The following RNF183 variants were observed in gnomAD, a reference collection of about 807,000 sequenced individuals.
RNF183 encodes the protein ring finger protein 183.
Under a neutral mutation model 9.0 loss-of-function variants are expected in RNF183, and 4 were observed. The observed-to-expected ratio is 0.44, with a 90% CI of 0.22 to 1.01. The LOEUF (loss-of-function observed/expected upper bound fraction) is 1.01. RNF183 is among the 50% of genes least tolerant of loss of function. RNF183 has a pLI of 0.25. For synonymous variants in RNF183, 102 were observed against 107.5 expected, an observed-to-expected ratio of 0.95 and a Z score of 0.32; for missense variants, 227 against 253.6, an observed-to-expected ratio of 0.89 and a Z score of 0.71.
rs913516141 is a variant in RNF183, at chr9:113,302,967, G to A, written c.-441+89C>T. 7 of 152,412 alleles carry A rather than the reference G, an allele frequency of 4.6e-5. 1 individual carries two copies. Among genetic ancestry groups the A allele is most frequent in the African/African-American group, 1.7e-4 (7 of 41,568 alleles). 9.4% of individuals were successfully genotyped at this position (152,412 alleles called of 1,614,324 possible). On this transcript the variant is annotated intron_variant, in intron 1 of 4. Coordinates refer to ENST00000489339, the MANE Select transcript of RNF183 (RefSeq NM_001371237.1). ...CAGTAGCCTGCCCTCCCAGGCCAGA[G>A]TTCACCTGTCGCGCGCTGCACGGCT...
intron 4 of RNF183, 119 bp downstream of exon 4, chr9:113,299,453 A>G (rs938255004): frequency 6.6e-6 from 1 of 152,238 alleles, no homozygotes; most frequent in African/African-American, 2.4e-5. Flanking sequence ...CCTGCTCAGC[A>G]CTTTGGTTGC....
At chr9:113,300,010 C>T (rs963841501) in intron 3 of RNF183, among the ~76,000 whole-genome samples, 4 of 152,288 alleles carry the variant, frequency 2.6e-5, no homozygotes, top group East Asian at 1.9e-4. Flanking sequence ...GAATCCTTCA[C>T]GGCCAGAAGA....
chr9:113,300,714 G>A (rs576580385), intron 3 of RNF183, among the ~76,000 whole-genome samples: 2 of 152,282 alleles, frequency 1.3e-5, no homozygotes, highest in African/African-American at 4.8e-5. Context: ...TGTGGTGACC[G>A]GAGTAGGCAA....
chr9:113,297,901 C>T lies in RNF183; in HGVS notation c.284G>A (p.Gly95Asp), dbSNP rs973556736. 12 of 1,613,704 alleles carry T rather than the reference C, an allele frequency of 7.4e-6. No homozygotes were observed. The highest frequency in any genetic ancestry group is 3.3e-4 in the Middle Eastern group (2 of 6,084). The change falls in exon 5 of 5, where the codon GGC (glycine) becomes GAC (aspartate). Residue 95 changes from glycine to aspartate, a missense_variant. Physicochemically the swap from Gly to Asp is moderately conservative, Grantham distance 94. Transcript: ENST00000489339. ...RLEPHHVILE[G>D]HQLCLKDQPK... ...CTGGTCCTTGAGGCACAGCTGATGG[C>T]CTTCCAGGATGACATGGTGGGGCTC...
At position 113,297,898 on chromosome 9, in the gene RNF183, T is replaced by C. The variant is rs1832780888; in HGVS notation, c.287A>G (p.His96Arg). The change falls in exon 5 of 5, where the codon CAT becomes CGT. Residue 96 changes from histidine (H) to arginine (R), a missense_variant. By Grantham distance (29) the His-to-Arg change is conservative (BLOSUM62 0). Coordinates refer to ENST00000489339, the MANE Select transcript of RNF183 (RefSeq NM_001371237.1). Reference protein sequence around the residue: ...LEPHHVILEGHQLCLKDQPKS... With the variant: ...LEPHHVILEGRQLCLKDQPKS... The stretch of plus-strand genomic sequence containing the variant: ...GGGCTGGTCCTTGAGGCACAGCTGA[T>C]GGCCTTCCAGGATGACATGGTGGGG... 2 of 1,613,880 alleles carry C rather than the reference T, an allele frequency of 1.2e-6. No individual in the cohort carries two copies. The highest frequency in any genetic ancestry group is 1.7e-6 in the Non-Finnish European group (2 of 1,179,956).
At chr9:113,301,339 C>A (rs957710953) in intron 3 of RNF183, among the ~76,000 whole-genome samples, 2 of 152,136 alleles carry the variant, frequency 1.3e-5, no homozygotes, top group African/African-American at 4.8e-5. Flanking sequence ...GCCTGTTGCT[C>A]CTAGGCTACA....
rs1832758207 is a variant in RNF183, at chr9:113,297,515, C to T, written c.*91G>A. The stretch of plus-strand genomic sequence containing the variant: ...TCCCTGGATTGTAAAATAAACAACA[C>T]TACAAAGGAAGACAATACCAAATGA... On this transcript the variant is annotated 3_prime_UTR_variant, in exon 5 of 5. Coordinates refer to ENST00000489339, the MANE Select transcript of RNF183 (RefSeq NM_001371237.1). 1 of 828,994 alleles carries T rather than the reference C, an allele frequency of 1.2e-6. No homozygotes were observed. The highest frequency in any genetic ancestry group is 1.9e-6 in the Non-Finnish European group (1 of 520,452). 51.4% of individuals were successfully genotyped at this position (828,994 alleles called of 1,614,324 possible). A position where few individuals can be genotyped will look rare whatever the true frequency, so the allele number is the denominator to read the frequency against.
chr9:113,298,399 A>G lies in RNF183; in HGVS notation c.-37-178T>C. The stretch of plus-strand genomic sequence containing the variant: ...CCATCGAGTTGAGTCAAATGCTCCT[A>G]CAGCCTCCCCTCTGTCAAGGTGAAG... On this transcript the variant is annotated intron_variant, in intron 4 of 4. Transcript: ENST00000489339. This position sits in a 1 kb window ranked among gnomAD's most constrained non-coding sequence, Gnocchi z 4.9. 1 of 573,990 alleles carries G rather than the reference A, an allele frequency of 1.7e-6. No individual in the cohort carries two copies. Among genetic ancestry groups the G allele is most frequent in the Non-Finnish European group, 3.1e-6 (1 of 323,318 alleles). 35.6% of individuals were successfully genotyped at this position (573,990 alleles called of 1,614,324 possible).
rs564238317 is a variant in RNF183 at position 113,297,188 on chromosome 9, A to G, written c.*418T>C. 1 of 145,870 alleles carries G rather than the reference A, an allele frequency of 6.9e-6. No homozygotes were observed. Among genetic ancestry groups the G allele is most frequent in the Non-Finnish European group, 1.5e-5 (1 of 66,314 alleles). The allele number at this position is 145,870 out of a possible 1,614,324, so 9.0% of individuals were successfully genotyped here. A position where few individuals can be genotyped will look rare whatever the true frequency, so the allele number is the denominator to read the frequency against. On this transcript the variant is annotated 3_prime_UTR_variant, in exon 5 of 5. Coordinates refer to ENST00000489339, the MANE Select transcript of RNF183 (RefSeq NM_001371237.1). ...CCACAGAATTGAAGCTCACTTCCCAATTTTTTTTTTTTTTTTAGCAACCCA... is the reference window on the plus strand; with the variant it reads ...CCACAGAATTGAAGCTCACTTCCCAGTTTTTTTTTTTTTTTTAGCAACCCA...
intron 3 of RNF183, among the ~76,000 whole-genome samples, chr9:113,301,233 A>G (rs1251212074): frequency 6.6e-6 from 1 of 152,206 alleles, no homozygotes; most frequent in Non-Finnish European, 1.5e-5. Flanking sequence ...AAATGGGACT[A>G]TGTTCTCAGA....
At position 113,302,281 on chromosome 9, in the gene RNF183, T is replaced by C. The variant is rs1832941098; in HGVS notation, c.-408A>G. The C allele has an allele frequency of 6.6e-6, 1 of 152,108 alleles. No homozygotes were observed. The highest frequency in any genetic ancestry group is 1.5e-5 in the Non-Finnish European group (1 of 68,048). 9.4% of individuals were successfully genotyped at this position (152,108 alleles called of 1,614,324 possible). ...TTGCCTGGATCTTTATCTGTGCTGC[T>C]CTCCCAGGGATCCACTGCTGTTTCA... On this transcript the variant is annotated 5_prime_UTR_variant, in exon 2 of 5. Transcript: ENST00000489339.
Position 113,297,889 on chromosome 9 carries a change from C to A in RNF183, c.296G>T (p.Cys99Phe). The stretch of plus-strand genomic sequence containing the variant: ...GCGGCTCTTGGGCTGGTCCTTGAGG[C>A]ACAGCTGATGGCCTTCCAGGATGAC... Reference protein sequence around the residue: ...HHVILEGHQLCLKDQPKSRYF... With the variant: ...HHVILEGHQLFLKDQPKSRYF... The change falls in exon 5 of 5, where the codon TGC becomes TTC. Residue 99 changes from cysteine to phenylalanine, a missense_variant. By Grantham distance (205) the Cys-to-Phe change is radical. Transcript: ENST00000489339. The A allele has an allele frequency of 6.2e-7, 1 of 1,613,750 alleles. No homozygotes were observed. Among genetic ancestry groups the A allele is most frequent in the Non-Finnish European group, 8.5e-7 (1 of 1,179,902 alleles).
At chr9:113,302,007 G>A (rs979354079) in intron 2 of RNF183, 188 bp downstream of exon 2, 1 of 151,448 alleles carries the variant, frequency 6.6e-6, no homozygotes, top group African/African-American at 2.4e-5. Context: ...CCAAAAGTGT[G>A]TGTGCAATGG....
Position 113,297,802 on chromosome 9 carries a change from G to A in RNF183, c.383C>T (p.Thr128Ile). The change falls in exon 5 of 5, where the codon ACT becomes ATT. Residue 128 changes from threonine (T) to isoleucine (I), a missense_variant. Transcript: ENST00000489339. ...AGAGGCCGTGTCTGGGGGCGGCCCA[G>A]TCTGGCCCCCAGGCTGGGGGCCAAG... ...LDLGPQPGGQ[T>I]GPPPDTASAT... 2 of 1,611,364 alleles carry A rather than the reference G, an allele frequency of 1.2e-6. No individual in the cohort carries two copies. Among genetic ancestry groups the A allele is most frequent in the Non-Finnish European group, 1.7e-6 (2 of 1,178,498 alleles).
rs373858981 is a variant in RNF183, at chr9:113,297,772, G to C, written c.413C>G (p.Thr138Ser). ...TGPPPDTASA[T>S]VSTPILIPSH... Reference sequence around the variant, plus strand: ...GGGGATGAGGATGGGCGTAGACACGGTGGCAGAGGCCGTGTCTGGGGGCGG... The same window carrying C: ...GGGGATGAGGATGGGCGTAGACACGCTGGCAGAGGCCGTGTCTGGGGGCGG... Residue 138 changes from threonine (T) to serine (S), a missense_variant, in exon 5 of 5, where the codon ACC (threonine) becomes AGC (serine). Thr to Ser is a moderately conservative substitution (Grantham distance 58). Transcript: ENST00000489339. The C allele has an allele frequency of 3.7e-6, 6 of 1,613,706 alleles. No homozygotes were observed. In the African/African-American group the frequency reaches 6.7e-5, roughly 18 times the overall value.
Position 113,298,265 on chromosome 9 carries a change from C to T in RNF183, c.-37-44G>A. On this transcript the variant is annotated intron_variant, in intron 4 of 4. Coordinates refer to ENST00000489339, the MANE Select transcript of RNF183 (RefSeq NM_001371237.1). The surrounding 1 kb of genome is among the most constrained non-coding windows in gnomAD (Gnocchi z 4.9). ...GAGCAAAGGAACAGCCATGAAGTCC[C>T]ATCCTTGTGCTTGGCCTGGGGCAAA... The T allele has an allele frequency of 1.6e-6, 2 of 1,230,022 alleles. No homozygotes were observed. Among genetic ancestry groups the T allele is most frequent in the Admixed American group, 4.0e-5 (2 of 50,614 alleles). 76.2% of individuals were successfully genotyped at this position (1,230,022 alleles called of 1,614,324 possible).
rs1213434943 is a variant in RNF183, at chr9:113,298,264, C to G, written c.-37-43G>C. ...GGAGCAAAGGAACAGCCATGAAGTC[C>G]CATCCTTGTGCTTGGCCTGGGGCAA... On this transcript the variant is annotated intron_variant, in intron 4 of 4. Coordinates refer to ENST00000489339, the MANE Select transcript of RNF183 (RefSeq NM_001371237.1). The surrounding 1 kb of genome is among the most constrained non-coding windows in gnomAD (Gnocchi z 4.9). 1 of 1,250,132 alleles carries G rather than the reference C, an allele frequency of 8.0e-7. No individual in the cohort carries two copies. The highest frequency in any genetic ancestry group is 2.3e-5 in the East Asian group (1 of 42,936). The allele number at this position is 1,250,132 out of a possible 1,614,324, so 77.4% of individuals were successfully genotyped here. A position where few individuals can be genotyped will look rare whatever the true frequency, so the allele number is the denominator to read the frequency against.
chr9:113,301,081 G>T (rs1459514885), intron 3 of RNF183, among the ~76,000 whole-genome samples: 1 of 152,138 alleles, frequency 6.6e-6, no homozygotes, highest in African/African-American at 2.4e-5. Flanking sequence ...CAGATCCATG[G>T]CTATTTAGGG....
In RNF183 at chr9:113,303,280, C is replaced by T. The variant is rs1832977509; in HGVS notation, c.-665G>A. The T allele has an allele frequency of 6.5e-6, 1 of 152,724 alleles. No individual in the cohort carries two copies. Among genetic ancestry groups the T allele is most frequent in the Non-Finnish European group, 1.5e-5 (1 of 68,386 alleles). The allele number at this position is 152,724 out of a possible 1,614,324, so 9.5% of individuals were successfully genotyped here. On this transcript the variant is annotated 5_prime_UTR_variant, in exon 1 of 5. Transcript: ENST00000489339. ...GAAGCTTTGGTTGCTTTGTCTTTCT[C>T]CTGTGAGTCACTCTGGCTTTTTCTC...
Sources: allele counts gnomAD v4.1 joint callset (sites outside exome capture counted in the v4.1 genomes callset), GRCh38; gene constraint gnomAD v4.1.1; non-coding constraint Gnocchi (gnomAD v3.1); transcripts MANE v1.5; gene names NCBI Gene and HGNC (gene_info 2026-07-23, HGNC 2026-07-21).